OSBPL10: variants seen among roughly 807,000 people sequenced by gnomAD.
OSBPL10 encodes the protein oxysterol binding protein like 10, also known as oxysterol-binding protein-related protein 10.
OSBPL10 carries 49 observed loss-of-function variants against 81.7 expected under a neutral mutation model. The observed-to-expected ratio is 0.60, with a 90% CI of 0.48 to 0.76. The LOEUF is 0.76. OSBPL10 is among the 30% of genes least tolerant of loss of function. OSBPL10 has a pLI of 0.00. For missense variants in OSBPL10, 923 were observed against 987.8 expected, an observed-to-expected ratio of 0.93 and a Z score of 0.88; for synonymous variants, 419 against 383.6, an observed-to-expected ratio of 1.09 and a Z score of -1.08.
intron 4 of OSBPL10, among the ~76,000 whole-genome samples, chr3:31,764,241 G>A (rs1325353080): frequency 1.3e-5 from 2 of 152,204 alleles, no homozygotes; most frequent in Non-Finnish European, 2.9e-5. Context: ...TAAACACACA[G>A]AATGAACTCA....
chr3:31,921,836 G>A (rs1020961093), intron 1 of OSBPL10, among the ~76,000 whole-genome samples: 6 of 152,170 alleles, frequency 3.9e-5, no homozygotes, highest in Admixed American at 1.3e-4. Context: ...CTAGCCAGGT[G>A]ATTAAGGTCA....
intron 2 of OSBPL10, among the ~76,000 whole-genome samples, chr3:32,037,961 G>A (rs1202507911): frequency 6.6e-6 from 1 of 152,334 alleles, no homozygotes; most frequent in Non-Finnish European, 1.5e-5. Flanking sequence ...GCTGTGAAAT[G>A]TTTTTATATC....
At chr3:31,844,621 G>T (rs943161298) in intron 3 of OSBPL10, among the ~76,000 whole-genome samples, 1 of 152,204 alleles carries the variant, frequency 6.6e-6, no homozygotes, top group South Asian at 2.1e-4. Flanking sequence ...AAAGCAGACT[G>T]GTTGTTGTCA....
chr3:31,875,599 G>A (rs1462903973), intron 3 of OSBPL10, among the ~76,000 whole-genome samples: 2 of 150,444 alleles, frequency 1.3e-5, no homozygotes, highest in Admixed American at 1.3e-4. Context: ...ATTTTAGTTT[G>A]TATTTGGAGG....
Position 32,042,613 on chromosome 3 carries a change from C to T in OSBPL10, n.298+3878G>A, listed in dbSNP as rs533593093. On this transcript the variant is annotated intron_variant and non_coding_transcript_variant, in intron 2 of 3. Transcript: ENST00000479173. ...CTATTTTCCATAAGTGTTGGCCGGCCGAGAAATAAAGAGAAAGTGTACAAA... is the reference window on the plus strand; with the variant it reads ...CTATTTTCCATAAGTGTTGGCCGGCTGAGAAATAAAGAGAAAGTGTACAAA... Among the ~76,000 whole-genome samples, 440 of 151,918 alleles carry T rather than the reference C, an allele frequency of 2.9e-3. 4 individuals carry two copies. The highest frequency in any genetic ancestry group is 2.5e-3 in the Non-Finnish European group (167 of 67,984).
intron 1 of OSBPL10, among the ~76,000 whole-genome samples, chr3:31,974,289 C>G (rs981000787): frequency 1.3e-5 from 2 of 152,176 alleles, no homozygotes; most frequent in African/African-American, 4.8e-5. Context: ...ACACACAGAA[C>G]TCTCTCTACA....
At chr3:31,945,591 G>A (rs1185963837) in intron 1 of OSBPL10, among the ~76,000 whole-genome samples, 5 of 152,138 alleles carry the variant, frequency 3.3e-5, no homozygotes, top group African/African-American at 1.2e-4. Flanking sequence ...ATCTCAACAT[G>A]GGGTCCATTC....
intron 6 of OSBPL10, among the ~76,000 whole-genome samples, chr3:31,730,706 C>T (rs1176256687): frequency 2.6e-5 from 4 of 152,178 alleles, no homozygotes; most frequent in African/African-American, 9.7e-5. Flanking sequence ...TTTTATTCTG[C>T]AGGGAATTAA....
chr3:31,917,546 C>T (rs1262232602), intron 1 of OSBPL10, among the ~76,000 whole-genome samples: 1 of 139,720 alleles, frequency 7.2e-6, no homozygotes, highest in Admixed American at 7.3e-5. Context: ...TTGTTTTTAT[C>T]AAGCAACCAG....
At chr3:32,068,914 C>T (rs1290868559) in intron 1 of OSBPL10, among the ~76,000 whole-genome samples, 1 of 152,054 alleles carries the variant, frequency 6.6e-6, no homozygotes, top group Non-Finnish European at 1.5e-5. Context: ...CGCTCCCCGT[C>T]AGGCTGAATC....
intron 2 of OSBPL10, among the ~76,000 whole-genome samples, chr3:32,033,010 C>A (rs1039869147): frequency 6.6e-6 from 1 of 152,150 alleles, no homozygotes; most frequent in Non-Finnish European, 1.5e-5. Context: ...TTTCAGTAGT[C>A]ATATTTAGGG....
intron 5 of OSBPL10, among the ~76,000 whole-genome samples, chr3:31,742,657 A>C (rs969532913): frequency 2.6e-5 from 4 of 152,198 alleles, no homozygotes; most frequent in African/African-American, 4.8e-5. Context: ...TTGTCTAGTT[A>C]CAGGCATCTG....
intron 3 of OSBPL10, among the ~76,000 whole-genome samples, chr3:31,865,699 G>T (rs1701163352): frequency 6.6e-6 from 1 of 152,136 alleles, no homozygotes; most frequent in South Asian, 2.1e-4. Flanking sequence ...TGTTACTTCT[G>T]AATTATTTCA....
chr3:32,035,571 A>T (rs1446656711), intron 2 of OSBPL10, among the ~76,000 whole-genome samples: 1 of 151,430 alleles, frequency 6.6e-6, no homozygotes, highest in Non-Finnish European at 1.5e-5. Context: ...TCAAAAAAAA[A>T]AAAAAAAAAA....
chr3:31,779,705 T>C (rs1698638584), intron 4 of OSBPL10, among the ~76,000 whole-genome samples: 2 of 152,188 alleles, frequency 1.3e-5, no homozygotes, highest in South Asian at 4.1e-4. Flanking sequence ...CAAATGGACT[T>C]AGCAAATATT....
intron 8 of OSBPL10, among the ~76,000 whole-genome samples, chr3:31,675,809 G>A (rs1254480843): frequency 1.8e-4 from 28 of 152,040 alleles, no homozygotes; most frequent in Admixed American, 1.8e-3. Flanking sequence ...AGCCGGGCAT[G>A]GTGGCGGGCA....
chr3:31,827,505 G>A (rs1342649628), intron 4 of OSBPL10, among the ~76,000 whole-genome samples: 1 of 151,976 alleles, frequency 6.6e-6, no homozygotes, highest in Non-Finnish European at 1.5e-5. Flanking sequence ...GCGTGGTGGT[G>A]GATGCCTGTA....
At chr3:31,775,340 C>T (rs1424914394) in intron 4 of OSBPL10, among the ~76,000 whole-genome samples, 1 of 151,886 alleles carries the variant, frequency 6.6e-6, no homozygotes, top group Non-Finnish European at 1.5e-5. Flanking sequence ...AGGAGGAAAA[C>T]AGAAACATGC....
chr3:31,663,419 A>G, intron 11 of OSBPL10: 1 of 986,676 alleles, frequency 1.0e-6, no homozygotes, highest in Non-Finnish European at 1.2e-6. Flanking sequence ...ACATTTTCAT[A>G]ATTTCCAATT....
Sources: gnomAD v4.1 joint callset for allele counts (sites outside exome capture counted in the v4.1 genomes callset) on GRCh38, gnomAD v4.1.1 for gene constraint, MANE v1.5 for transcripts, NCBI Gene and HGNC (gene_info 2026-07-23, HGNC 2026-07-21) for gene names.